Variants in INPP5E observed in about 807,000 individuals in gnomAD.
The protein encoded by INPP5E is phosphatidylinositol polyphosphate 5-phosphatase type IV.
In INPP5E, 34 loss-of-function variants were observed where a neutral mutation model predicts 50.5. The observed-to-expected ratio is 0.67, with a 90% confidence interval of 0.51 to 0.90. The LOEUF (loss-of-function observed/expected upper bound fraction) is 0.90. INPP5E is among the 40% of genes least tolerant of loss of function. The probability of loss-of-function intolerance (pLI) is 0.00; values close to 1 mark genes in which losing one functional copy is unlikely to be tolerated. For missense variants in INPP5E, 942 were observed against 905.5 expected, an observed-to-expected ratio of 1.04 and a Z score of -0.52; for synonymous variants, 447 against 406.0, an observed-to-expected ratio of 1.10 and a Z score of -1.21.
Position 136,432,672 on chromosome 9 carries a change from A to G in INPP5E, c.1280-86T>C, listed in dbSNP as rs895495050. On this transcript the variant is annotated intron_variant, in intron 5 of 9. Coordinates refer to ENST00000371712, the MANE Select transcript of INPP5E (RefSeq NM_019892.6). ...CGCCGCACCTCTGGACTGTGCCCTG[A>G]CTGCGCACCCCCGGCAGACGCAACC... 1.2e-5 allele frequency: 12 copies of G among 1,004,226 alleles called. No individual in the cohort carries two copies. The African/African-American group carries it at 1.7e-4, about 15-fold the overall frequency. The allele number at this position is 1,004,226 out of a possible 1,614,324, so 62.2% of individuals were successfully genotyped here.
chr9:136,433,995 G>C, intron 3 of INPP5E, 42 bp downstream of exon 3: 3 of 1,492,312 alleles, frequency 2.0e-6, no homozygotes, highest in Non-Finnish European at 2.8e-6. Flanking sequence ...TTCAGAGACG[G>C]CAGCCCCTGG....
chr9:136,432,647 C>T (rs920936817), intron 5 of INPP5E, 61 bp from the exon 6 acceptor site: 14 of 1,152,236 alleles, frequency 1.2e-5, no homozygotes, highest in East Asian at 2.5e-5. Context: ...CTCCCTAAAG[C>T]GCCGCACCTC....
At chr9:136,433,302 G>T in intron 3 of INPP5E, 23 bp from the exon 4 acceptor site, 3 of 1,563,172 alleles carry the variant, frequency 1.9e-6, no homozygotes, top group Non-Finnish European at 1.7e-6. Context: ...AAGCACGGCC[G>T]GCTGGGGGAC....
At position 136,431,106 on chromosome 9, in the gene INPP5E, T is replaced by C. The variant is rs773033007; in HGVS notation, c.1561A>G (p.Lys521Glu). Residue 521 changes from lysine (K) to glutamate (E), a missense_variant, in exon 8 of 10, where the codon AAG becomes GAG. Transcript: ENST00000371712. ...TGGATGTCCGGCTCCTGGAAGCCCT[T>C]GAAGATGGACCCTGCCACAGGATGG... ...IREMRKGSIF[K>E]GFQEPDIHFL... The C allele has an allele frequency of 2.5e-6, 4 of 1,611,778 alleles. No homozygotes were observed. In the Admixed American group the frequency reaches 6.7e-5, roughly 27 times the overall value.
In INPP5E at chr9:136,431,805, C is replaced by A; in HGVS notation, c.1549+19G>T. The A allele has an allele frequency of 1.3e-6, 2 of 1,560,954 alleles. 1 individual carries two copies. Among genetic ancestry groups the A allele is most frequent in the East Asian group, 4.7e-5 (2 of 43,006 alleles). On this transcript the variant is annotated intron_variant, in intron 7 of 9. Transcript: ENST00000371712. ...ACCTCTCCTCATCTCCCTCCATGCC[C>A]GCCCCCCCAGGCCCTCACCTTTCCG...
chr9:136,436,265 C>G (rs1835826749), intron 1 of INPP5E: 1 of 152,312 alleles, frequency 6.6e-6, no homozygotes, highest in Admixed American at 6.5e-5. Context: ...GTGGGCACCC[C>G]TGTCAAGTGA....
intron 1 of INPP5E, chr9:136,436,699 T>G (rs1232563082): frequency 1.3e-5 from 2 of 152,290 alleles, no homozygotes. Flanking sequence ...GGTTTTACTG[T>G]GTGGAACGGC....
In INPP5E at chr9:136,431,043, T is replaced by A. The variant is rs1450087861; in HGVS notation, c.1624A>T (p.Thr542Ser). The A allele has an allele frequency of 1.2e-6, 2 of 1,613,198 alleles. No homozygotes were observed. Among genetic ancestry groups the A allele is most frequent in the South Asian group, 1.1e-5 (1 of 91,062 alleles). Reference sequence around the variant, plus strand: ...CTCTGCTTGGAGGTGCTGTCGTACGTGTCCTTCCCGATGTCAAACTTGTAT... The same window carrying A: ...CTCTGCTTGGAGGTGCTGTCGTACGAGTCCTTCCCGATGTCAAACTTGTAT... Reference protein sequence around the residue: ...PSYKFDIGKDTYDSTSKQRTP... With the variant: ...PSYKFDIGKDSYDSTSKQRTP... The change falls in exon 8 of 10, where the codon ACG becomes TCG. Residue 542 changes from threonine to serine, a missense_variant. By Grantham distance (58) the Thr-to-Ser change is moderately conservative (BLOSUM62 1). Coordinates refer to ENST00000371712, the MANE Select transcript of INPP5E (RefSeq NM_019892.6).
At chr9:136,433,131 GC>G in intron 4 of INPP5E, 23 bp downstream of exon 4, 1 of 1,610,082 alleles carries the variant, frequency 6.2e-7, no homozygotes, top group Non-Finnish European at 8.5e-7. Flanking sequence ...TTCCAGCCGC[GC>G]CCACCCCTCC....
chr9:136,432,503 T>C lies in INPP5E; in HGVS notation c.1363A>G (p.Thr455Ala). 1.3e-6 allele frequency: 2 copies of C among 1,551,118 alleles called. No homozygotes were observed. Among genetic ancestry groups the C allele is most frequent in the Non-Finnish European group, 1.7e-6 (2 of 1,146,926 alleles). Residue 455 changes from threonine (T) to alanine (A), a missense_variant, in exon 6 of 10, where the codon ACC becomes GCC. Thr to Ala is a moderately conservative substitution (Grantham distance 58). Transcript: ENST00000371712. Reference sequence around the variant, plus strand: ...CCTGCGCTGGAGCGATAGGGGTTGGTGTCGGGCACATTTCTGGGCAGGACC... The same window carrying C: ...CCTGCGCTGGAGCGATAGGGGTTGGCGTCGGGCACATTTCTGGGCAGGACC... Reference protein sequence around the residue: ...ALVLPRNVPDTNPYRSSAADV... With the variant: ...ALVLPRNVPDANPYRSSAADV...
Position 136,439,145 on chromosome 9 carries a change from C to T in INPP5E, c.275G>A (p.Arg92Lys). 1 of 1,580,206 alleles carries T rather than the reference C, an allele frequency of 6.3e-7. No individual in the cohort carries two copies. The highest frequency in any genetic ancestry group is 1.1e-5 in the South Asian group (1 of 87,516). The change falls in exon 1 of 10, where the codon AGG becomes AAG. Residue 92 changes from arginine to lysine, a missense_variant. Arg to Lys is a conservative substitution (Grantham distance 26, BLOSUM62 2). Coordinates refer to ENST00000371712, the MANE Select transcript of INPP5E (RefSeq NM_019892.6). ...RALSLDDKGWRRRRFRGSQED... is the reference protein window; with the variant it reads ...RALSLDDKGWKRRRFRGSQED... The stretch of plus-strand genomic sequence containing the variant: ...CTGGCTGCCTCGAAAACGCCTCCTC[C>T]TCCAGCCCTTGTCGTCCAGGGACAG...
At chr9:136,432,650 C>G (rs117128150) in intron 5 of INPP5E, 64 bp from the exon 6 acceptor site, 3 of 1,137,338 alleles carry the variant, frequency 2.6e-6, no homozygotes, top group Non-Finnish European at 2.6e-6. Flanking sequence ...CCTAAAGCGC[C>G]GCACCTCTGG....
intron 5 of INPP5E, 92 bp from the exon 6 acceptor site, chr9:136,432,678 C>T: frequency 8.1e-6 from 8 of 982,220 alleles, no homozygotes; most frequent in African/African-American, 1.6e-5. Context: ...CCTGACTGCG[C>T]ACCCCCGGCA....
intron 6 of INPP5E, 47 bp downstream of exon 6, chr9:136,432,432 G>A: frequency 1.5e-6 from 2 of 1,328,730 alleles, no homozygotes; most frequent in Non-Finnish European, 2.1e-6. Flanking sequence ...GGGCGCCCGT[G>A]TGCGAACCAC....
At position 136,438,767 on chromosome 9, in the gene INPP5E, T is replaced by C; in HGVS notation, c.653A>G (p.Asp218Gly). Residue 218 changes from aspartate (D) to glycine (G), a missense_variant, in exon 1 of 10, where the codon GAC becomes GGC. Coordinates refer to ENST00000371712, the MANE Select transcript of INPP5E (RefSeq NM_019892.6). ...GAGCGGCTGCGCGCGGAGCTTGTAG[T>C]CTGCAAGATCCGAGTCGACCTTGTT... ...TANKVDSDLA[D>G]YKLRAQPLLV... 6.2e-7 allele frequency: 1 copy of C among 1,611,808 alleles called. No homozygotes were observed. Among genetic ancestry groups the C allele is most frequent in the Admixed American group, 1.7e-5 (1 of 59,972 alleles).
At chr9:136,429,996 C>G (rs573682018) in intron 9 of INPP5E, among the ~76,000 whole-genome samples, 189 bp from the exon 10 acceptor site, 1 of 152,204 alleles carries the variant, frequency 6.6e-6, no homozygotes, top group Non-Finnish European at 1.5e-5. Context: ...GGGACAGAGC[C>G]GCAGGAAGGA....
In INPP5E at chr9:136,433,262, C is replaced by T. The variant is rs775094328; in HGVS notation, c.1052G>A (p.Arg351His). 5.0e-6 allele frequency: 8 copies of T among 1,585,762 alleles called. No homozygotes were observed. Among genetic ancestry groups the T allele is most frequent in the East Asian group, 2.3e-5 (1 of 44,316 alleles). ...GCSDRREWETRLQETLGPHYV... is the reference protein window; with the variant it reads ...GCSDRREWETHLQETLGPHYV... The stretch of plus-strand genomic sequence containing the variant: ...GTGCGGGCCCAGCGTCTCCTGCAGA[C>T]GAGTCTCCCACTCCCGCCTGCAGAG... Residue 351 changes from arginine (R) to histidine (H), a missense_variant, in exon 4 of 10, where the codon CGT becomes CAT. Transcript: ENST00000371712.
intron 9 of INPP5E, 41 bp downstream of exon 9, chr9:136,430,235 AC>A (rs1246145941): frequency 1.3e-6 from 2 of 1,549,818 alleles, no homozygotes; most frequent in South Asian, 1.2e-5. Context: ...CGACGGCACG[AC>A]CCCCAGGCCC....
Position 136,430,353 on chromosome 9 carries a change from A to G in INPP5E, c.1726T>C (p.Cys576Arg). ...TGGTCGGACGTCTTGATCCCGGGGC[A>G]GGAAGAGTAGCTCACAGGACAGATG... is the stretch of plus-strand genomic sequence containing the variant. ...GDICPVSYSS[C>R]PGIKTSDHRP... is the part of the protein sequence containing the mutation. The change falls in exon 9 of 10, where the codon TGC becomes CGC. Residue 576 changes from cysteine to arginine, a missense_variant. Cys to Arg is a radical substitution (Grantham distance 180). Transcript: ENST00000371712. 6.4e-7 allele frequency: 1 copy of G among 1,555,040 alleles called. No homozygotes were observed. The highest frequency in any genetic ancestry group is 1.2e-5 in the South Asian group (1 of 84,290).
Sources: gnomAD v4.1 joint callset for allele counts (sites outside exome capture counted in the v4.1 genomes callset) on GRCh38, gnomAD v4.1.1 for gene constraint, MANE v1.5 for transcripts, NCBI Gene and HGNC (gene_info 2026-07-23, HGNC 2026-07-21) for gene names.